The following LPP variants were observed in gnomAD, a reference collection of about 807,000 sequenced individuals.
LPP encodes the protein LIM domain containing preferred translocation partner in lipoma.
LPP carries 38 observed loss-of-function variants against 60.4 expected under a neutral mutation model. The ratio of observed to expected loss-of-function variants is 0.63; its 90% CI spans 0.49 to 0.83. The LOEUF is 0.83. Among genes scored for constraint, LPP ranks in the 40% least tolerant of loss-of-function variants. The probability of loss-of-function intolerance (pLI) is 0.00; values close to 1 mark genes in which losing one functional copy is unlikely to be tolerated. For missense variants in LPP, 902 were observed against 783.6 expected (o/e 1.15, Z -1.80); for synonymous variants, 328 against 290.8 (o/e 1.13, Z -1.30).
At chr3:188,599,751 G>GTGT (rs1553938530) in intron 6 of LPP, among the ~76,000 whole-genome samples, 1 of 139,826 alleles carries the variant, frequency 7.2e-6, no homozygotes, top group Non-Finnish European at 1.5e-5. Flanking sequence ...ACTCGTTAGG[G>GTGT]GTGTGTGTGT....
intron 3 of LPP, among the ~76,000 whole-genome samples, chr3:188,370,713 C>T (rs76950561): frequency 0.052 from 7,982 of 152,076 alleles, 287 homozygotes; most frequent in East Asian, 0.2. Context: ...GTTTTTTTCT[C>T]GTTGCCCGAC....
chr3:188,489,052 C>T (rs138993608), intron 5 of LPP, among the ~76,000 whole-genome samples: 8 of 152,292 alleles, frequency 5.3e-5, no homozygotes, highest in Non-Finnish European at 1.2e-4. Flanking sequence ...AAAGAAGTCA[C>T]GTGTCTCAGA....
chr3:188,416,227 T>A (rs1033376186), intron 4 of LPP, among the ~76,000 whole-genome samples: 3 of 152,214 alleles, frequency 2.0e-5, no homozygotes, highest in Non-Finnish European at 4.4e-5. Flanking sequence ...GAAAGATCAC[T>A]GCTATATGTA....
chr3:188,324,816 C>T (rs2150419976), intron 2 of LPP, among the ~76,000 whole-genome samples: 1 of 152,176 alleles, frequency 6.6e-6, no homozygotes, highest in East Asian at 1.9e-4. Flanking sequence ...GCAGAAGGTC[C>T]CTGACTTATG....
At chr3:188,631,358 C>T (rs1847824863) in intron 7 of LPP, among the ~76,000 whole-genome samples, 2 of 152,020 alleles carry the variant, frequency 1.3e-5, no homozygotes, top group Non-Finnish European at 2.9e-5. Flanking sequence ...GGGGACACTC[C>T]TATTAAGTTT....
chr3:188,806,436 T>C (rs1304581615), intron 9 of LPP, among the ~76,000 whole-genome samples: 1 of 152,010 alleles, frequency 6.6e-6, no homozygotes, highest in East Asian at 1.9e-4. Context: ...TTTTAGTCTA[T>C]CAATGTCTAT....
At chr3:188,377,871 C>T (rs1331771679) in intron 3 of LPP, among the ~76,000 whole-genome samples, 1 of 152,072 alleles carries the variant, frequency 6.6e-6, no homozygotes, top group East Asian at 1.9e-4. Flanking sequence ...TGGTGACATA[C>T]AGGTGGGTTT....
intron 5 of LPP, among the ~76,000 whole-genome samples, chr3:188,489,566 A>G (rs1240578056): frequency 6.6e-6 from 1 of 152,208 alleles, no homozygotes; most frequent in Non-Finnish European, 1.5e-5. Context: ...GAAACCATTG[A>G]CAATTTATTG....
Position 188,876,907 on chromosome 3 carries a change from A to G in LPP, c.*2428A>G. ...CCATCCCTGTGGCATCGTCAGCAGA[A>G]TACTGCTTGCTTACAATCTTTATTA... On this transcript the variant is annotated 3_prime_UTR_variant, in exon 12 of 12. Coordinates refer to ENST00000617246, the MANE Select transcript of LPP (RefSeq NM_001375462.1). 1 of 182,016 alleles carries G rather than the reference A, an allele frequency of 5.5e-6. No individual in the cohort carries two copies. The highest frequency in any genetic ancestry group is 9.0e-5 in the East Asian group (1 of 11,098). 11.3% of individuals were successfully genotyped at this position (182,016 alleles called of 1,614,324 possible). A position where few individuals can be genotyped will look rare whatever the true frequency, so the allele number is the denominator to read the frequency against.
chr3:188,530,319 C>T (rs1172776228), intron 6 of LPP, among the ~76,000 whole-genome samples: 4 of 152,172 alleles, frequency 2.6e-5, no homozygotes, highest in Admixed American at 2.6e-4. Context: ...TCCTCCATGA[C>T]GCTGCATGGA....
At chr3:188,809,166 T>A (rs1655405889) in intron 9 of LPP, among the ~76,000 whole-genome samples, 1 of 152,184 alleles carries the variant, frequency 6.6e-6, no homozygotes, top group African/African-American at 2.4e-5. Context: ...GTCTTTATAG[T>A]AGAATGATTT....
chr3:188,662,807 G>A (rs181168786), intron 7 of LPP, among the ~76,000 whole-genome samples: 2 of 152,348 alleles, frequency 1.3e-5, no homozygotes, highest in Admixed American at 1.3e-4. Context: ...TCAAAGCCAT[G>A]TGACTCTCCA....
intron 4 of LPP, among the ~76,000 whole-genome samples, chr3:188,482,437 CT>C (rs1805070262): frequency 2.0e-5 from 3 of 152,120 alleles, no homozygotes; most frequent in Admixed American, 2.0e-4. Flanking sequence ...TAAAAAACTT[CT>C]TGACAGTTCT....
intron 4 of LPP, among the ~76,000 whole-genome samples, chr3:188,457,161 T>C (rs1797914306): frequency 6.6e-6 from 1 of 152,172 alleles, no homozygotes; most frequent in African/African-American, 2.4e-5. Flanking sequence ...GGAGCAGAGT[T>C]TCTTAGAATG....
chr3:188,738,333 A>G (rs1435340471), intron 8 of LPP, among the ~76,000 whole-genome samples: 1 of 152,146 alleles, frequency 6.6e-6, no homozygotes, highest in Admixed American at 6.5e-5. Context: ...TGCCTTGTAT[A>G]ATTTCCTCAG....
chr3:188,272,365 C>T (rs111702107), intron 2 of LPP, among the ~76,000 whole-genome samples: 59 of 152,322 alleles, frequency 3.9e-4, no homozygotes, highest in African/African-American at 1.3e-3. Flanking sequence ...TCTTCTTTAA[C>T]GGCAAACAGA....
chr3:188,842,387 T>C (rs1215342047), intron 9 of LPP, among the ~76,000 whole-genome samples: 1 of 152,240 alleles, frequency 6.6e-6, no homozygotes, highest in East Asian at 1.9e-4. Flanking sequence ...TATTTTCCTA[T>C]AGAGTTGTTT....
intron 8 of LPP, among the ~76,000 whole-genome samples, chr3:188,752,852 A>G (rs1027560735): frequency 6.6e-6 from 1 of 152,200 alleles, no homozygotes; most frequent in Admixed American, 6.5e-5. Context: ...ATGGAAAGCT[A>G]GAGTTGAAGG....
intron 3 of LPP, among the ~76,000 whole-genome samples, chr3:188,377,307 A>C (rs1231934408): frequency 6.6e-6 from 1 of 152,180 alleles, no homozygotes; most frequent in Admixed American, 6.5e-5. Context: ...GTGTTTTCCA[A>C]CTTGGTTTCA....
Sources: gnomAD v4.1 joint callset for allele counts (sites outside exome capture counted in the v4.1 genomes callset) on GRCh38, gnomAD v4.1.1 for gene constraint, MANE v1.5 for transcripts, NCBI Gene and HGNC (gene_info 2026-07-23, HGNC 2026-07-21) for gene names.